TMIGD3: variants seen among roughly 807,000 people sequenced by gnomAD.
TMIGD3 encodes the protein transmembrane and immunoglobulin domain containing 3.
Under a neutral mutation model 28.1 loss-of-function variants are expected in TMIGD3, and 21 were observed. The ratio of observed to expected loss-of-function variants is 0.75; its 90% CI spans 0.53 to 1.08. The LOEUF (loss-of-function observed/expected upper bound fraction) is 1.08, where lower values mean the gene tolerates loss of function less well. TMIGD3 is among the 50% of genes least tolerant of loss of function. TMIGD3 has a pLI of 0.00. For synonymous variants in TMIGD3, 151 were observed against 162.1 expected, an observed-to-expected ratio of 0.93 and a Z score of 0.52; for missense variants, 416 against 435.6, an observed-to-expected ratio of 0.96 and a Z score of 0.40.
Position 111,503,387 on chromosome 1 carries a change from G to A in TMIGD3, c.-33C>T, listed in dbSNP as rs1655356442. 6.3e-7 allele frequency: 1 copy of A among 1,575,700 alleles called. No individual in the cohort carries two copies. The highest frequency in any genetic ancestry group is 8.6e-7 in the Non-Finnish European group (1 of 1,157,256). On this transcript the variant is annotated 5_prime_UTR_variant, in exon 1 of 6. Transcript: ENST00000369716. ...TCCCAGGGGAACCTCCACAGGGACA[G>A]GTGAGCCAGCAAGATCCGTCTGTAG...
intron 1 of TMIGD3, among the ~76,000 whole-genome samples, chr1:111,560,041 T>G (rs942347916): frequency 2.0e-5 from 3 of 152,240 alleles, no homozygotes; most frequent in Admixed American, 2.0e-4. Flanking sequence ...TAGGCAATTT[T>G]TTTCATTCAA....
Position 111,559,387 on chromosome 1 carries a change from T to TA in TMIGD3, c.107+4458dup, listed in dbSNP as rs553701988. Among the ~76,000 whole-genome samples, 19 of 152,118 alleles carry TA rather than the reference T, an allele frequency of 1.2e-4. No homozygotes were observed. In the East Asian group the frequency reaches 2.3e-3, roughly 19 times the overall value. On this transcript the variant is annotated intron_variant, in intron 1 of 5. Transcript: ENST00000369717. ...AGGCATTTACGATTCAGCAGTGACC[T>TA]AAAAAAAATCCTATTCTTTATGAAA...
upstream of TMIGD3, chr1:111,503,790 A>T: frequency 9.9e-7 from 1 of 1,007,802 alleles, no homozygotes; most frequent in Non-Finnish European, 1.2e-6. Context: ...AGAGCTCAGA[A>T]CTCTCAGCAA....
At chr1:111,509,687 A>AT (rs1256969079) in intron 1 of TMIGD3, among the ~76,000 whole-genome samples, 3 of 152,316 alleles carry the variant, frequency 2.0e-5, no homozygotes, top group Admixed American at 2.0e-4. Flanking sequence ...CAACCTTCTG[A>AT]TTTTGATGGC....
In TMIGD3 at chr1:111,502,233, TATATAGGATATATTTATTATAATAA is replaced by T. The variant is rs1239495344; in HGVS notation, c.350+747_350+771del. 7.7e-4 allele frequency among the ~76,000 whole-genome samples: 28 copies of T among 36,136 alleles called. 6 individuals are homozygous for T. The highest frequency in any genetic ancestry group is 3.1e-3 in the South Asian group (4 of 1,278). 23.7% of individuals were successfully genotyped at this position (36,136 alleles called of 152,430 possible). On this transcript the variant is annotated intron_variant, in intron 1 of 5. Coordinates refer to ENST00000369716, the MANE Select transcript of TMIGD3 (RefSeq NM_020683.7). ...TAGGATATATATTTATTATAATGAATATATAGGATATATTTATTATAATAAATATATAGGATATATATTCATTATA... is the reference window on the plus strand; with the variant it reads ...TAGGATATATATTTATTATAATGAATATATATAGGATATATATTCATTATA...
chr1:111,534,900 A>G (rs1656589483), intron 1 of TMIGD3, among the ~76,000 whole-genome samples: 1 of 152,218 alleles, frequency 6.6e-6, no homozygotes, highest in South Asian at 2.1e-4. Flanking sequence ...CATAAAGTCA[A>G]TGAACAGTTA....
intron 1 of TMIGD3, among the ~76,000 whole-genome samples, chr1:111,535,489 G>A (rs547920826): frequency 2.0e-5 from 3 of 152,296 alleles, no homozygotes; most frequent in African/African-American, 7.2e-5. Context: ...TTCCTGTAGG[G>A]GTAGTCTACA....
At chr1:111,486,395 A>G (rs1474370325) in intron 4 of TMIGD3, among the ~76,000 whole-genome samples, 191 bp downstream of exon 4, 1 of 143,258 alleles carries the variant, frequency 7.0e-6, no homozygotes, top group Non-Finnish European at 1.5e-5. Context: ...CAAGAGTCCT[A>G]AACTGTATTT....
At chr1:111,540,832 A>T (rs1044878428) in intron 1 of TMIGD3, among the ~76,000 whole-genome samples, 2 of 152,352 alleles carry the variant, frequency 1.3e-5, no homozygotes, top group African/African-American at 4.8e-5. Flanking sequence ...GGTTACTTGG[A>T]ATTCATCCTC....
At chr1:111,552,362 T>C (rs1657300462) in intron 1 of TMIGD3, among the ~76,000 whole-genome samples, 1 of 152,250 alleles carries the variant, frequency 6.6e-6, no homozygotes, top group African/African-American at 2.4e-5. Flanking sequence ...ATGTCACAAG[T>C]CTGTCCCTCC....
At chr1:111,497,309 ACT>A (rs1194048869) in intron 1 of TMIGD3, among the ~76,000 whole-genome samples, 3 of 151,950 alleles carry the variant, frequency 2.0e-5, no homozygotes, top group Admixed American at 6.6e-5. Flanking sequence ...ACGGGGTTTC[ACT>A]GTTTTAGCCA....
rs1190162941 is a variant in TMIGD3, at chr1:111,483,399, C to T, written c.*288G>A. The T allele has an allele frequency of 3.6e-5, 13 of 363,726 alleles. No homozygotes were observed. In the East Asian group the frequency reaches 6.1e-4, roughly 17 times the overall value. The allele number at this position is 363,726 out of a possible 1,614,324, so 22.5% of individuals were successfully genotyped here. On this transcript the variant is annotated 3_prime_UTR_variant, in exon 6 of 6. Coordinates refer to ENST00000369716, the MANE Select transcript of TMIGD3 (RefSeq NM_020683.7). ...TTGGCTAACAAAATACAAGTGATTTCCTGGTCCCCAATCCAGATTCTCCAC... is the reference window on the plus strand; with the variant it reads ...TTGGCTAACAAAATACAAGTGATTTTCTGGTCCCCAATCCAGATTCTCCAC...
intron 3 of TMIGD3, among the ~76,000 whole-genome samples, chr1:111,488,190 C>T (rs1654476361): frequency 6.6e-6 from 1 of 151,748 alleles, no homozygotes; most frequent in Non-Finnish European, 1.5e-5. Context: ...TCTCAAGAAT[C>T]TAATCTTCAA....
rs1656632682 is a variant in TMIGD3, at chr1:111,536,166, A to G, written c.107+27680T>C. Among the ~76,000 whole-genome samples the G allele has an allele frequency of 2.0e-5, 3 of 152,172 alleles. No homozygotes were observed. The South Asian group carries it at 6.2e-4, about 32-fold the overall frequency. On this transcript the variant is annotated intron_variant, in intron 1 of 5. Transcript: ENST00000369717. ...CTTTAGCTTCTCCTGTGCCTCATAC[A>G]TTCGTTTTCTCTGCTCACATCGGAG...
chr1:111,518,329 T>C (rs2154024), intron 1 of TMIGD3, among the ~76,000 whole-genome samples: 2 of 152,212 alleles, frequency 1.3e-5, no homozygotes, highest in African/African-American at 4.8e-5. Context: ...ACATTATCTC[T>C]AAACCAGGGT....
At chr1:111,555,435 A>T (rs2101040787) in intron 1 of TMIGD3, among the ~76,000 whole-genome samples, 1 of 151,686 alleles carries the variant, frequency 6.6e-6, no homozygotes, top group South Asian at 2.1e-4. Flanking sequence ...TCCAGAAAAA[A>T]AATTTTTAAT....
At chr1:111,507,812 C>T (rs924997598), upstream of TMIGD3, among the ~76,000 whole-genome samples, 1 of 152,230 alleles carries the variant, frequency 6.6e-6, no homozygotes, top group African/African-American at 2.4e-5. Flanking sequence ...GTTTGCTAGC[C>T]GACAGCTGAG....
chr1:111,507,039 GTATATATATATATA>G (rs59345912), upstream of TMIGD3, among the ~76,000 whole-genome samples: 29 of 126,142 alleles, frequency 2.3e-4, no homozygotes, highest in African/African-American at 8.1e-4. Flanking sequence ...GTGTGTGTGT[GTATATATATATATA>G]TATATATGTT....
At chr1:111,551,761 G>A (rs1657267709) in intron 1 of TMIGD3, among the ~76,000 whole-genome samples, 1 of 30,210 alleles carries the variant, frequency 3.3e-5, no homozygotes, top group African/African-American at 4.6e-5. Flanking sequence ...GTTTTGTTTT[G>A]TTTTGTTTTT....
Sources: allele counts gnomAD v4.1 joint callset (sites outside exome capture counted in the v4.1 genomes callset), GRCh38; gene constraint gnomAD v4.1.1; transcripts MANE v1.5; gene names NCBI Gene and HGNC (gene_info 2026-07-23, HGNC 2026-07-21).